ABHD6: variants seen among roughly 807,000 people sequenced by gnomAD.
The protein encoded by ABHD6 is monoacylglycerol lipase ABHD6.
Under a neutral mutation model 38.8 loss-of-function variants are expected in ABHD6, and 33 were observed. That is an observed-to-expected ratio of 0.85 (90% confidence interval 0.64 to 1.14). ABHD6 has a LOEUF of 1.14. Ranked by LOEUF, ABHD6 falls within the 50% of genes most tolerant of loss-of-function variation. The probability of loss-of-function intolerance (pLI) is 0.00; values close to 1 mark genes in which losing one functional copy is unlikely to be tolerated. For missense variants in ABHD6, 380 were observed against 422.6 expected (o/e 0.90, Z 0.88); for synonymous variants, 147 against 161.6 (o/e 0.91, Z 0.69).
At chr3:58,246,495 T>C (rs2097426500) in intron 1 of ABHD6, among the ~76,000 whole-genome samples, 1 of 152,220 alleles carries the variant, frequency 6.6e-6, no homozygotes, top group Admixed American at 6.5e-5. Context: ...AGCACGGCTT[T>C]CTGGTTCTCT....
At position 58,274,787 on chromosome 3, in the gene ABHD6, C is replaced by G; in HGVS notation, c.653C>G (p.Ser218Cys). The G allele has an allele frequency of 1.2e-6, 2 of 1,614,152 alleles. No individual in the cohort carries two copies. The highest frequency in any genetic ancestry group is 1.7e-6 in the Non-Finnish European group (2 of 1,180,010). Reference protein sequence around the residue: ...EEMSEMLQLCSYVRFKVPQQI... With the variant: ...EEMSEMLQLCCYVRFKVPQQI... ...ATGAGTGAAATGCTTCAGCTCTGCT[C>G]CTATGTCCGCTTCAAGGTGCCCCAG... Residue 218 changes from serine (S) to cysteine (C), a missense_variant, in exon 7 of 10, where the codon TCC (serine) becomes TGC (cysteine). Ser to Cys is a moderately radical substitution (Grantham distance 112). Coordinates refer to ENST00000478253, the MANE Select transcript of ABHD6 (RefSeq NM_001320126.2).
At chr3:58,239,179 T>C (rs897590439) in intron 1 of ABHD6, among the ~76,000 whole-genome samples, 3 of 151,724 alleles carry the variant, frequency 2.0e-5, no homozygotes, top group Non-Finnish European at 4.4e-5. Flanking sequence ...CAAATTCTTA[T>C]CAAGAACATT....
chr3:58,251,383 A>T lies in ABHD6; in HGVS notation c.-26+1441A>T, dbSNP rs543825963. Among the ~76,000 whole-genome samples the T allele has an allele frequency of 6.6e-6, 1 of 151,976 alleles. No individual in the cohort carries two copies. Among genetic ancestry groups the T allele is most frequent in the Non-Finnish European group, 1.5e-5 (1 of 68,006 alleles). Reference sequence around the variant, plus strand: ...AGGCGAAGCGAGGAGAGATGTGTCTATGAGATTCTATGAAAGTGTTTTACG... The same window carrying T: ...AGGCGAAGCGAGGAGAGATGTGTCTTTGAGATTCTATGAAAGTGTTTTACG... On this transcript the variant is annotated intron_variant, in intron 2 of 9. Transcript: ENST00000478253. This position sits in a 1 kb window ranked among gnomAD's most constrained non-coding sequence, Gnocchi z 5.4.
At chr3:58,288,360 C>G (rs1297118459) in intron 9 of ABHD6, among the ~76,000 whole-genome samples, 1 of 152,190 alleles carries the variant, frequency 6.6e-6, no homozygotes, top group Non-Finnish European at 1.5e-5. Context: ...TGGATTTGGT[C>G]TGTATACAAC....
chr3:58,280,364 C>A (rs1332753386), intron 7 of ABHD6, among the ~76,000 whole-genome samples: 1 of 152,068 alleles, frequency 6.6e-6, no homozygotes, highest in Non-Finnish European at 1.5e-5. Context: ...GATACCCTTT[C>A]TTTCACTTCA....
rs544969320 is a variant in ABHD6, at chr3:58,287,526, C to T, written c.837+2073C>T. Among the ~76,000 whole-genome samples the T allele has an allele frequency of 1.2e-4, 18 of 152,016 alleles. No homozygotes were observed. Among genetic ancestry groups the T allele is most frequent in the Non-Finnish European group, 2.4e-4 (16 of 67,990 alleles). On this transcript the variant is annotated intron_variant, in intron 9 of 9. Coordinates refer to ENST00000478253, the MANE Select transcript of ABHD6 (RefSeq NM_001320126.2). This position sits in a 1 kb window ranked among gnomAD's most constrained non-coding sequence, Gnocchi z 4.7. ...AGGATTCACAGCATGGTTTTGTGGA[C>T]GTGGAGAGAAGGGGATCTCATGTGC... is the stretch of plus-strand genomic sequence containing the variant.
At chr3:58,286,846 G>GCATATATATATATATATATA (rs1304640108) in intron 9 of ABHD6, among the ~76,000 whole-genome samples, 9 of 90,218 alleles carry the variant, frequency 1.0e-4, no homozygotes, top group Admixed American at 3.7e-4. Context: ...GTGTGTGTGT[G>GCATATATATATATATATATA]TGTGTGTATA....
chr3:58,271,014 CTGCT>C lies in ABHD6; in HGVS notation c.475_478del (p.Ala159ThrfsTer43), dbSNP rs749291543. The C allele has an allele frequency of 1.2e-6, 2 of 1,612,726 alleles. No individual in the cohort carries two copies. The highest frequency in any genetic ancestry group is 1.7e-6 in the Non-Finnish European group (2 of 1,179,650). Reference sequence around the variant, plus strand: ...GGTGGCCAGGTGGCTGGGGTGTATGCTGCTTACTACCCATCGGATGTCTCCAGCC... The same window carrying C: ...GGTGGCCAGGTGGCTGGGGTGTATGCTACTACCCATCGGATGTCTCCAGCC... On this transcript the variant is annotated frameshift_variant, in exon 6 of 10. Coordinates refer to ENST00000478253, the MANE Select transcript of ABHD6 (RefSeq NM_001320126.2). LOFTEE classifies it high-confidence loss of function.
intron 9 of ABHD6, among the ~76,000 whole-genome samples, chr3:58,286,183 C>T (rs534321710): frequency 6.6e-6 from 1 of 152,248 alleles, no homozygotes; most frequent in Non-Finnish European, 1.5e-5. Context: ...CCATGCCCAG[C>T]TAATTTTTTG....
rs1271101004 is a variant in ABHD6, at chr3:58,264,385, A to ACG, written c.120-2802_120-2801dup. On this transcript the variant is annotated intron_variant, in intron 3 of 9. Coordinates refer to ENST00000478253, the MANE Select transcript of ABHD6 (RefSeq NM_001320126.2). Reference sequence around the variant, plus strand: ...CTGAACTTTATAACTGGTTATATAAACGCACACACACACACACACACACAC... The same window carrying ACG: ...CTGAACTTTATAACTGGTTATATAAACGCGCACACACACACACACACACACAC... 2.1e-3 allele frequency among the ~76,000 whole-genome samples: 160 copies of ACG among 76,490 alleles called. 2 individuals carry two copies. The highest frequency in any genetic ancestry group is 6.4e-3 in the East Asian group (5 of 784). 50.2% of individuals were successfully genotyped at this position (76,490 alleles called of 152,430 possible). A position where few individuals can be genotyped will look rare whatever the true frequency, so the allele number is the denominator to read the frequency against.
At chr3:58,243,404 C>T (rs1234264128) in intron 1 of ABHD6, among the ~76,000 whole-genome samples, 2 of 152,068 alleles carry the variant, frequency 1.3e-5, no homozygotes, top group Non-Finnish European at 2.9e-5. Flanking sequence ...ATACCAAATA[C>T]TGTGGGGCAT....
At chr3:58,246,880 C>CTA (rs1313217155) in intron 1 of ABHD6, among the ~76,000 whole-genome samples, 1 of 152,156 alleles carries the variant, frequency 6.6e-6, no homozygotes, top group East Asian at 1.9e-4. Context: ...GTCATGTGGG[C>CTA]AGTAGTCCGC....
chr3:58,258,168 G>A (rs1163360849), intron 3 of ABHD6, among the ~76,000 whole-genome samples: 5 of 152,028 alleles, frequency 3.3e-5, no homozygotes, highest in Admixed American at 2.0e-4. Flanking sequence ...TTAGCTAGGC[G>A]TGGTGGTGCA....
intron 7 of ABHD6, among the ~76,000 whole-genome samples, chr3:58,275,931 G>T (rs905141814): frequency 2.6e-5 from 4 of 152,194 alleles, no homozygotes; most frequent in Middle Eastern, 3.4e-3. Flanking sequence ...CCATGTCCCT[G>T]TAAAGGACAT....
chr3:58,260,006 C>T (rs541086384), intron 3 of ABHD6, among the ~76,000 whole-genome samples: 4 of 152,230 alleles, frequency 2.6e-5, no homozygotes, highest in African/African-American at 7.2e-5. Flanking sequence ...CATGTTGTAG[C>T]ATGCATCACT....
chr3:58,253,235 A>G (rs1017787037), intron 2 of ABHD6, among the ~76,000 whole-genome samples: 23 of 151,822 alleles, frequency 1.5e-4, no homozygotes, highest in Admixed American at 1.3e-4. Flanking sequence ...TCTATGATAT[A>G]TATGGCTTTG....
Position 58,271,073 on chromosome 3 carries a change from T to C in ABHD6, c.523+9T>C, listed in dbSNP as rs368918079. On this transcript the variant is annotated intron_variant, in intron 6 of 9. Coordinates refer to ENST00000478253, the MANE Select transcript of ABHD6 (RefSeq NM_001320126.2). ...TCTCGTGTGTCCTGCTGGTAAGTTATGAAGCTGAAACATCCCTCGGCAGGG... is the reference window on the plus strand; with the variant it reads ...TCTCGTGTGTCCTGCTGGTAAGTTACGAAGCTGAAACATCCCTCGGCAGGG... The C allele has an allele frequency of 7.6e-6, 12 of 1,587,786 alleles. No individual in the cohort carries two copies. In the African/African-American group the frequency reaches 1.4e-4, roughly 18 times the overall value.
Position 58,250,791 on chromosome 3 carries a change from G to A in ABHD6, c.-26+849G>A, listed in dbSNP as rs2097429375. 2.0e-5 allele frequency among the ~76,000 whole-genome samples: 3 copies of A among 152,178 alleles called. No homozygotes were observed. In the South Asian group the frequency reaches 6.2e-4, roughly 32 times the overall value. On this transcript the variant is annotated intron_variant, in intron 2 of 9. Transcript: ENST00000478253. ...GTTCTTATCCACATGTAGCTGTTGA[G>A]CACTTGAAGTGTGGCTGGTGTGGCT... is the stretch of plus-strand genomic sequence containing the variant.
chr3:58,245,471 A>G (rs895995803), intron 1 of ABHD6, among the ~76,000 whole-genome samples: 6 of 151,508 alleles, frequency 4.0e-5, no homozygotes, highest in Non-Finnish European at 8.8e-5. Context: ...TGGCCACTTC[A>G]CCTCATTTAG....
Sources: allele counts gnomAD v4.1 joint callset (sites outside exome capture counted in the v4.1 genomes callset), GRCh38; gene constraint gnomAD v4.1.1; non-coding constraint Gnocchi (gnomAD v3.1); transcripts MANE v1.5; gene names NCBI Gene and HGNC (gene_info 2026-07-23, HGNC 2026-07-21).